Variants in NCKAP5 observed in about 807,000 individuals in gnomAD.
The protein encoded by NCKAP5 is NCK associated protein 5, also known as nck-associated protein 5.
Under a neutral mutation model 167.0 loss-of-function variants are expected in NCKAP5, and 92 were observed. The observed-to-expected ratio is 0.55, with a 90% CI of 0.47 to 0.66. The LOEUF is 0.66. NCKAP5 is among the 30% of genes least tolerant of loss of function. NCKAP5 has a pLI of 0.00. For missense variants in NCKAP5, 2,378 were observed against 2,315.0 expected (o/e 1.03, Z -0.56); for synonymous variants, 891 against 877.4 (o/e 1.02, Z -0.27).
At chr2:133,275,113 T>C (rs949167217) in intron 4 of NCKAP5, among the ~76,000 whole-genome samples, 1 of 151,714 alleles carries the variant, frequency 6.6e-6, no homozygotes, top group African/African-American at 2.4e-5. Flanking sequence ...AGCATAGAAA[T>C]AGGCAGTTCA....
chr2:133,562,063 T>C (rs1336438385), intron 1 of NCKAP5, among the ~76,000 whole-genome samples: 1 of 151,772 alleles, frequency 6.6e-6, no homozygotes, highest in Non-Finnish European at 1.5e-5. Context: ...AGATATATTA[T>C]AATCTACCAT....
In NCKAP5 at chr2:132,728,294, G is replaced by A. The variant is rs553161476; in HGVS notation, c.5580+522C>T. ...CCCATAGCCACCCATCAGGAGTTCC[G>A]TGTGTGTCATCTCAGGGCAGATGAA... is the stretch of plus-strand genomic sequence containing the variant. On this transcript the variant is annotated intron_variant, in intron 18 of 19. Transcript: ENST00000409261. 6.1e-4 allele frequency among the ~76,000 whole-genome samples: 93 copies of A among 152,206 alleles called. 1 individual carries two copies. The highest frequency in any genetic ancestry group is 6.8e-4 in the Non-Finnish European group (46 of 68,006).
At chr2:132,685,029 C>A (rs1003615263) in intron 19 of NCKAP5, among the ~76,000 whole-genome samples, 3 of 152,204 alleles carry the variant, frequency 2.0e-5, no homozygotes, top group Admixed American at 6.5e-5. Context: ...GTTTGAACTT[C>A]TTTTCCCTTT....
At chr2:133,117,939 C>T (rs13393417) in intron 6 of NCKAP5, 33,981 of 152,006 alleles carry the variant, frequency 0.22, 4,287 homozygotes, top group East Asian at 0.55. Flanking sequence ...ATAAGGGCCT[C>T]CAAGGAACTG....
chr2:133,455,921 G>A (rs1484544938), intron 3 of NCKAP5, among the ~76,000 whole-genome samples: 1 of 152,082 alleles, frequency 6.6e-6, no homozygotes, highest in Non-Finnish European at 1.5e-5. Flanking sequence ...AAAACGCACT[G>A]TAACTTAATT....
At chr2:133,392,127 C>T (rs1687452244) in intron 3 of NCKAP5, among the ~76,000 whole-genome samples, 1 of 152,196 alleles carries the variant, frequency 6.6e-6, no homozygotes, top group African/African-American at 2.4e-5. Flanking sequence ...TTATGGGCTG[C>T]ATATGGACAC....
At chr2:133,036,787 T>C (rs879185341) in intron 6 of NCKAP5, among the ~76,000 whole-genome samples, 3 of 152,016 alleles carry the variant, frequency 2.0e-5, no homozygotes, top group Non-Finnish European at 4.4e-5. Context: ...GCCACCGCTG[T>C]TATTCACCAT....
intron 5 of NCKAP5, among the ~76,000 whole-genome samples, chr2:133,205,204 G>C (rs892662675): frequency 3.3e-5 from 5 of 152,154 alleles, no homozygotes; most frequent in Non-Finnish European, 7.4e-5. Context: ...GAGGCAGGTG[G>C]GTCGCTTGAG....
chr2:132,915,952 A>G (rs76736281), intron 8 of NCKAP5, among the ~76,000 whole-genome samples: 137 of 152,132 alleles, frequency 9.0e-4, no homozygotes, highest in Non-Finnish European at 1.8e-3. Context: ...TGGTTAAGTG[A>G]ATTATCACAC....
At chr2:133,641,290 T>A in the NCKAP5 span, among the ~76,000 whole-genome samples, 4 of 152,336 alleles carry the variant, frequency 2.6e-5, no homozygotes, top group African/African-American at 9.6e-5. Context: ...CTTCAGGCAA[T>A]AAGAAGATTC....
intron 7 of NCKAP5, among the ~76,000 whole-genome samples, chr2:132,977,291 A>G (rs1385143376): frequency 2.0e-5 from 3 of 152,232 alleles, no homozygotes; most frequent in Non-Finnish European, 4.4e-5. Context: ...AGTACTTTCA[A>G]CAGAAAACAT....
chr2:133,461,764 G>A (rs780235356), intron 3 of NCKAP5, among the ~76,000 whole-genome samples: 1 of 152,190 alleles, frequency 6.6e-6, no homozygotes, highest in Admixed American at 6.5e-5. Flanking sequence ...GGCCAAGCTA[G>A]GCAGTCATCC....
chr2:132,738,890 C>A (rs1238529307), intron 16 of NCKAP5, among the ~76,000 whole-genome samples: 3 of 151,988 alleles, frequency 2.0e-5, no homozygotes, highest in Non-Finnish European at 2.9e-5. Context: ...AGGAGGGCAC[C>A]AAGCCATTCA....
chr2:132,725,939 T>C (rs901830544), intron 18 of NCKAP5, among the ~76,000 whole-genome samples, 180 bp from the exon 19 acceptor site: 16 of 152,282 alleles, frequency 1.1e-4, no homozygotes, highest in African/African-American at 3.9e-4. Flanking sequence ...TTCTGCCTCC[T>C]GAGGAGCTGA....
chr2:133,313,121 T>C (rs1681361921), intron 3 of NCKAP5, among the ~76,000 whole-genome samples: 1 of 152,102 alleles, frequency 6.6e-6, no homozygotes, highest in South Asian at 2.1e-4. Flanking sequence ...GCCCTCAGAG[T>C]GGATTTTATG....
intron 6 of NCKAP5, among the ~76,000 whole-genome samples, chr2:133,088,891 T>C (rs908298546): frequency 1.3e-5 from 2 of 152,100 alleles, no homozygotes; most frequent in Admixed American, 6.6e-5. Context: ...TGAACTTCCA[T>C]ACAAGGCGTA....
the NCKAP5 span, among the ~76,000 whole-genome samples, chr2:133,609,124 C>G: frequency 6.6e-6 from 1 of 152,172 alleles, no homozygotes; most frequent in Non-Finnish European, 1.5e-5. Flanking sequence ...AGCCAGGCAT[C>G]AGAATTCTAT....
chr2:132,693,753 G>T (rs1004360442), intron 19 of NCKAP5, among the ~76,000 whole-genome samples: 2 of 150,970 alleles, frequency 1.3e-5, no homozygotes, highest in Admixed American at 1.3e-4. Flanking sequence ...AGCCTCTCGA[G>T]TAGCTGGGAC....
At chr2:133,485,082 G>A (rs1680790610) in intron 3 of NCKAP5, among the ~76,000 whole-genome samples, 1 of 152,152 alleles carries the variant, frequency 6.6e-6, no homozygotes, top group African/African-American at 2.4e-5. Flanking sequence ...TGGCCATCAA[G>A]GCCCTTCAAT....
Sources: gnomAD v4.1 joint callset for allele counts (sites outside exome capture counted in the v4.1 genomes callset) on GRCh38, gnomAD v4.1.1 for gene constraint, MANE v1.5 for transcripts, NCBI Gene and HGNC (gene_info 2026-07-23, HGNC 2026-07-21) for gene names.